ATG16L1: variants seen among roughly 807,000 people sequenced by gnomAD.
The protein encoded by ATG16L1 is autophagy-related protein 16-1.
Under a neutral mutation model 88.5 loss-of-function variants are expected in ATG16L1, and 37 were observed. The ratio of observed to expected loss-of-function variants is 0.42; its 90% CI spans 0.32 to 0.55. ATG16L1 has a LOEUF of 0.55. Ranked by LOEUF, ATG16L1 falls within the 20% of genes least tolerant of loss-of-function variation. The pLI, the probability that ATG16L1 is intolerant of heterozygous loss-of-function variation, is 0.13. For synonymous variants in ATG16L1, 301 were observed against 281.0 expected (o/e 1.07, Z -0.71); for missense variants, 554 against 752.8 (o/e 0.74, Z 3.09).
chr2:233,281,093 CT>C lies in ATG16L1; in HGVS notation c.1061-7del. ...TAACTTCCCATCATCCTAATTTTTTCTTTTTATACAGAAAAATGTGAGTTCA... is the reference window on the plus strand; with the variant it reads ...TAACTTCCCATCATCCTAATTTTTTCTTTTATACAGAAAAATGTGAGTTCA... On this transcript the variant is annotated splice_polypyrimidine_tract_variant and intron_variant, in intron 10 of 17. Transcript: ENST00000392017. 6.4e-7 allele frequency: 1 copy of C among 1,563,702 alleles called. No homozygotes were observed. The highest frequency in any genetic ancestry group is 8.7e-7 in the Non-Finnish European group (1 of 1,155,514).
intron 1 of ATG16L1, among the ~76,000 whole-genome samples, chr2:233,253,498 G>A (rs771938529): frequency 2.0e-5 from 3 of 151,490 alleles, no homozygotes; most frequent in Non-Finnish European, 4.4e-5. Context: ...GGCAAGCACC[G>A]CCACGCCCAG....
intron 1 of ATG16L1, 120 bp downstream of exon 1, chr2:233,252,062 G>T: frequency 1.3e-6 from 1 of 788,918 alleles, no homozygotes; most frequent in Non-Finnish European, 1.8e-6. Context: ...CGGCCGCCCC[G>T]GGTAACCCGC....
At chr2:233,273,629 T>C in intron 7 of ATG16L1, 92 bp from the exon 8 acceptor site, 1 of 1,243,428 alleles carries the variant, frequency 8.0e-7, no homozygotes, top group South Asian at 1.2e-5. Context: ...GGGAAACATA[T>C]TCCCAGTTAC....
At chr2:233,278,914 C>T (rs1261662203) in intron 10 of ATG16L1, among the ~76,000 whole-genome samples, 1 of 152,100 alleles carries the variant, frequency 6.6e-6, no homozygotes, top group African/African-American at 2.4e-5. Flanking sequence ...AAAAACAAAT[C>T]ATAAGAAATT....
intron 1 of ATG16L1, among the ~76,000 whole-genome samples, chr2:233,254,846 A>G (rs558670662): frequency 1.3e-5 from 2 of 152,204 alleles, no homozygotes; most frequent in African/African-American, 4.8e-5. Flanking sequence ...AGCTCTTTTA[A>G]CAGGAATAGT....
intron 5 of ATG16L1, among the ~76,000 whole-genome samples, chr2:233,267,859 C>T (rs1056528594): frequency 2.6e-5 from 4 of 152,194 alleles, no homozygotes; most frequent in Admixed American, 6.5e-5. Flanking sequence ...GTCCTCATTC[C>T]CTAGCCCACC....
chr2:233,261,105 G>A (rs1055426136), intron 2 of ATG16L1, among the ~76,000 whole-genome samples: 4 of 152,038 alleles, frequency 2.6e-5, no homozygotes, highest in Admixed American at 6.6e-5. Context: ...ACAGGTGCCC[G>A]CCACCACGCC....
chr2:233,274,815 A>C, intron 9 of ATG16L1, 37 bp downstream of exon 9: 1 of 1,486,764 alleles, frequency 6.7e-7, no homozygotes, highest in Non-Finnish European at 9.4e-7. Context: ...ACCACGCTTG[A>C]TATGGTGACA....
chr2:233,275,867 G>A (rs201458915), intron 9 of ATG16L1: 6 of 519,168 alleles, frequency 1.2e-5, no homozygotes, highest in Non-Finnish European at 2.3e-5. Context: ...GATAATTTGG[G>A]ATTCTGTCAG....
chr2:233,259,398 T>TG, intron 2 of ATG16L1, among the ~76,000 whole-genome samples: 1 of 152,148 alleles, frequency 6.6e-6, no homozygotes, highest in Non-Finnish European at 1.5e-5. Context: ...GTTGAAGGGT[T>TG]GGGGGTCTCA....
chr2:233,256,029 A>G, intron 1 of ATG16L1, 73 bp from the exon 2 acceptor site: 2 of 1,232,210 alleles, frequency 1.6e-6, no homozygotes, highest in Non-Finnish European at 2.4e-6. Flanking sequence ...TCAATACATG[A>G]CAAGGTAGGT....
At chr2:233,270,202 G>A (rs1273626910) in intron 6 of ATG16L1, 135 bp downstream of exon 6, 1 of 598,804 alleles carries the variant, frequency 1.7e-6, no homozygotes, top group African/African-American at 1.9e-5. Flanking sequence ...GAGTGCAGTG[G>A]TGTGATCATA....
chr2:233,292,151 T>G lies in ATG16L1; in HGVS notation c.1454T>G (p.Met485Arg). 6.2e-7 allele frequency: 1 copy of G among 1,614,232 alleles called. No homozygotes were observed. Among genetic ancestry groups the G allele is most frequent in the Non-Finnish European group, 8.5e-7 (1 of 1,180,044 alleles). ...DIRSESIVRE[M>R]ELLGKITALD... ...AGATCAGAGAGCATAGTTCGAGAGATGGAGCTGTTGGGAAAGATTACTGCC... is the reference window on the plus strand; with the variant it reads ...AGATCAGAGAGCATAGTTCGAGAGAGGGAGCTGTTGGGAAAGATTACTGCC... The change falls in exon 15 of 18, where the codon ATG (methionine) becomes AGG (arginine). Residue 485 changes from methionine (M) to arginine (R), a missense_variant. Met to Arg is a moderately conservative substitution (Grantham distance 91, BLOSUM62 -1). Transcript: ENST00000392017.
intron 1 of ATG16L1, among the ~76,000 whole-genome samples, chr2:233,252,249 C>T (rs1696426089): frequency 6.6e-6 from 1 of 152,218 alleles, no homozygotes; most frequent in African/African-American, 2.4e-5. Context: ...AACATCCCAT[C>T]TATGGGGTCA....
intron 8 of ATG16L1, 37 bp downstream of exon 8, chr2:233,273,814 A>C: frequency 6.3e-7 from 1 of 1,588,380 alleles, no homozygotes; most frequent in Non-Finnish European, 8.6e-7. Context: ...AATGTGTATA[A>C]GTATACCTAA....
intron 14 of ATG16L1, among the ~76,000 whole-genome samples, chr2:233,291,204 C>T (rs1342781467): frequency 2.0e-5 from 3 of 152,116 alleles, no homozygotes; most frequent in South Asian, 4.2e-4. Context: ...ATAGATGATG[C>T]TTTGAAACAC....
chr2:233,294,452 A>G lies in ATG16L1; in HGVS notation c.*102A>G. ...AGGTGATGTGCTGGGTATAGCATGG[A>G]CCTCCCAGAGAAGCTCAAGCTATGT... On this transcript the variant is annotated 3_prime_UTR_variant, in exon 18 of 18. Coordinates refer to ENST00000392017, the MANE Select transcript of ATG16L1 (RefSeq NM_030803.7). The G allele has an allele frequency of 1.2e-6, 1 of 847,634 alleles. No individual in the cohort carries two copies. 52.5% of individuals were successfully genotyped at this position (847,634 alleles called of 1,614,324 possible). A position where few individuals can be genotyped will look rare whatever the true frequency, so the allele number is the denominator to read the frequency against.
rs1698221171 is a variant in ATG16L1, at chr2:233,274,658, CTT to C, written c.852-16_852-15del. ...CTCTGCAATCCTGTCTAATATTTGT[CTT>C]TATGTTATTTCTTAGGAGACGCTCT... On this transcript the variant is annotated splice_polypyrimidine_tract_variant and intron_variant, in intron 8 of 17. Transcript: ENST00000392017. The C allele has an allele frequency of 6.3e-7, 1 of 1,575,742 alleles. No homozygotes were observed. Among genetic ancestry groups the C allele is most frequent in the Non-Finnish European group, 8.7e-7 (1 of 1,146,048 alleles).
At position 233,289,992 on chromosome 2, in the gene ATG16L1, C is replaced by A. The variant is rs768836032; in HGVS notation, c.1324+18C>A. 8 of 1,613,104 alleles carry A rather than the reference C, an allele frequency of 5.0e-6. No homozygotes were observed. In the East Asian group the frequency reaches 1.8e-4, roughly 36 times the overall value. Reference sequence around the variant, plus strand: ...CAAAGTCTGTGAGGAAATTCAGTCTCTCTGTCTGTGTATATGCTTAGATGT... The same window carrying A: ...CAAAGTCTGTGAGGAAATTCAGTCTATCTGTCTGTGTATATGCTTAGATGT... On this transcript the variant is annotated intron_variant, in intron 13 of 17. Coordinates refer to ENST00000392017, the MANE Select transcript of ATG16L1 (RefSeq NM_030803.7).
Sources: allele counts gnomAD v4.1 joint callset (sites outside exome capture counted in the v4.1 genomes callset), GRCh38; gene constraint gnomAD v4.1.1; transcripts MANE v1.5; gene names NCBI Gene and HGNC (gene_info 2026-07-23, HGNC 2026-07-21).